Variants in NEB observed in about 807,000 individuals in gnomAD.
NEB encodes the protein nebulin.
NEB carries 512 observed loss-of-function variants against 952.2 expected under a neutral mutation model. The observed-to-expected ratio is 0.54, with a 90% CI of 0.50 to 0.58. The LOEUF (loss-of-function observed/expected upper bound fraction) is 0.58. Among genes scored for constraint, NEB ranks in the 20% least tolerant of loss-of-function variants. The pLI, the probability that NEB is intolerant of heterozygous loss-of-function variation, is 0.00. For synonymous variants in NEB, 2,900 were observed against 3,149.8 expected (o/e 0.92, Z 2.66); for missense variants, 8,428 against 9,231.1 (o/e 0.91, Z 3.56).
chr2:151,634,498 C>A (rs1332563294), intron 64 of NEB, among the ~76,000 whole-genome samples: 1 of 151,804 alleles, frequency 6.6e-6, no homozygotes, highest in East Asian at 1.9e-4. Flanking sequence ...AAAAATAAGC[C>A]GGGCGTGGTG....
chr2:151,500,455 G>T (rs937313086), intron 168 of NEB, among the ~76,000 whole-genome samples: 19 of 151,434 alleles, frequency 1.3e-4, no homozygotes, highest in African/African-American at 4.1e-4. Context: ...GAGTTTTTCA[G>T]CAACAATATT....
At chr2:151,497,312 G>A in intron 171 of NEB, 1 of 974,212 alleles carries the variant, frequency 1.0e-6, no homozygotes, top group African/African-American at 1.8e-5. Flanking sequence ...TGAGTACCAT[G>A]CCTCCTAAAC....
At chr2:151,548,060 A>G (rs2094926488) in intron 131 of NEB, among the ~76,000 whole-genome samples, 1 of 152,200 alleles carries the variant, frequency 6.6e-6, no homozygotes, top group African/African-American at 2.4e-5. Context: ...AAATGTCAAA[A>G]GAAGAAATTA....
chr2:151,518,589 T>G (rs1025661900), intron 155 of NEB, among the ~76,000 whole-genome samples, 167 bp from the exon 156 acceptor site: 2 of 152,184 alleles, frequency 1.3e-5, no homozygotes, highest in Non-Finnish European at 2.9e-5. Context: ...AGGATCCAAG[T>G]TCAGTATTGT....
At chr2:151,660,880 C>T (rs150641800) in intron 46 of NEB, among the ~76,000 whole-genome samples, 1 of 152,230 alleles carries the variant, frequency 6.6e-6, no homozygotes, top group African/African-American at 2.4e-5. Context: ...AGAACCTAGC[C>T]ACATAGGCCG....
chr2:151,546,144 A>G, intron 134 of NEB, 146 bp from the exon 135 acceptor site: 1 of 720,418 alleles, frequency 1.4e-6, no homozygotes, highest in East Asian at 2.7e-5. Flanking sequence ...AGCAAAAACA[A>G]TTGTCATTTA....
At chr2:151,494,796 GCA>G (rs2059071785) in intron 173 of NEB, among the ~76,000 whole-genome samples, 1 of 152,096 alleles carries the variant, frequency 6.6e-6, no homozygotes, top group Non-Finnish European at 1.5e-5. Flanking sequence ...TTACAGGCGT[GCA>G]CCACCATGCC....
At chr2:151,699,629 T>G in intron 13 of NEB, among the ~76,000 whole-genome samples, 1 of 80,714 alleles carries the variant, frequency 1.2e-5, no homozygotes, top group African/African-American at 5.1e-5. Flanking sequence ...ATGAGCATTT[T>G]TTCATGTGTT....
Position 151,506,168 on chromosome 2 carries a change from A to C in NEB, c.23647T>G (p.Ser7883Ala), listed in dbSNP as rs1323621741. The C allele has an allele frequency of 6.2e-7, 1 of 1,608,180 alleles. No individual in the cohort carries two copies. ...RVKQTQDHISSVKYKEAIGQG... is the reference protein window; with the variant it reads ...RVKQTQDHISAVKYKEAIGQG... Reference sequence around the variant, plus strand: ...AAGTGCATTCACTGTGTCTTTACCGAGCTAATGTGGTCCTGTGTTTGTTTC... The same window carrying C: ...AAGTGCATTCACTGTGTCTTTACCGCGCTAATGTGGTCCTGTGTTTGTTTC... Residue 7883 changes from serine to alanine, a missense_variant and splice_region_variant, in exon 164 of 182, where the codon TCG (serine) becomes GCG (alanine). Ser to Ala is a moderately conservative substitution (Grantham distance 99). Coordinates refer to ENST00000397345, the MANE Select transcript of NEB (RefSeq NM_001164508.2).
At chr2:151,619,241 T>A (rs1369767868) in intron 73 of NEB, among the ~76,000 whole-genome samples, 1 of 152,220 alleles carries the variant, frequency 6.6e-6, no homozygotes, top group Non-Finnish European at 1.5e-5. Flanking sequence ...TGTTTAGAAC[T>A]GATAATATTT....
At chr2:151,489,791 T>C (rs1457780133) in intron 181 of NEB, among the ~76,000 whole-genome samples, 180 bp downstream of exon 181, 1 of 152,116 alleles carries the variant, frequency 6.6e-6, no homozygotes, top group Non-Finnish European at 1.5e-5. Flanking sequence ...ATGCTTTTCA[T>C]TAATTTGAGT....
chr2:151,634,658 A>C (rs189009035), intron 64 of NEB, among the ~76,000 whole-genome samples: 1 of 152,148 alleles, frequency 6.6e-6, no homozygotes, highest in East Asian at 1.9e-4. Context: ...AAAATAAAAT[A>C]AAATAAAAAC....
rs539770919 is a variant in NEB, at chr2:151,641,295, TTAAA to T, written c.8374-633_8374-630del. The stretch of plus-strand genomic sequence containing the variant: ...ATTATATAAGCATTTCTATGTGTCA[TTAAA>T]TAGTCTTTGCACACATGACTGTTTT... On this transcript the variant is annotated intron_variant, in intron 60 of 181. Transcript: ENST00000397345. Among the ~76,000 whole-genome samples the T allele has an allele frequency of 9.5e-4, 144 of 152,332 alleles. 1 individual carries two copies. The highest frequency in any genetic ancestry group is 3.1e-3 in the African/African-American group (127 of 41,570).
chr2:151,682,220 G>A (rs193132406), intron 29 of NEB, among the ~76,000 whole-genome samples: 1 of 152,100 alleles, frequency 6.6e-6, no homozygotes, highest in African/African-American at 2.4e-5. Context: ...CTGAAATTTT[G>A]GGGGGAAACT....
At chr2:151,715,825 G>A (rs2099757396) in intron 10 of NEB, among the ~76,000 whole-genome samples, 1 of 152,232 alleles carries the variant, frequency 6.6e-6, no homozygotes, top group Non-Finnish European at 1.5e-5. Flanking sequence ...CATTTGGCTA[G>A]TGTCTACTGT....
At chr2:151,562,265 T>C in intron 120 of NEB, 51 bp from the exon 121 acceptor site, 2 of 1,416,836 alleles carry the variant, frequency 1.4e-6, no homozygotes, top group South Asian at 1.1e-5. Context: ...GAATTTACAA[T>C]TGAGCATTTG....
At chr2:151,502,760 G>T in intron 167 of NEB, 33 bp downstream of exon 167, 1 of 1,141,308 alleles carries the variant, frequency 8.8e-7, no homozygotes, top group African/African-American at 1.5e-5. Context: ...TAAAATTAAG[G>T]GATTTTTTTT....
In NEB at chr2:151,570,552, C is replaced by T. The variant is rs752334619; in HGVS notation, c.17063G>A (p.Arg5688Gln). The stretch of plus-strand genomic sequence containing the variant: ...AGCCTGGATGGGGATGGCATCCAGC[C>T]GGACATCACAGCCCGCCTTCATTTC... ...WDEMKAGCDV[R>Q]LDAIPIQAAK... Residue 5688 changes from arginine (R) to glutamine (Q), a missense_variant, in exon 108 of 182, where the codon CGG (arginine) becomes CAG (glutamine). Arg to Gln is a conservative substitution (Grantham distance 43). Coordinates refer to ENST00000397345, the MANE Select transcript of NEB (RefSeq NM_001164508.2). 30 of 1,609,894 alleles carry T rather than the reference C, an allele frequency of 1.9e-5. 1 individual carries two copies. Among genetic ancestry groups the T allele is most frequent in the South Asian group, 2.2e-5 (2 of 90,006 alleles).
At chr2:151,575,329 T>C (rs2096790239) in intron 107 of NEB, among the ~76,000 whole-genome samples, 1 of 152,234 alleles carries the variant, frequency 6.6e-6, no homozygotes, top group East Asian at 1.9e-4. Flanking sequence ...TGTTTTAAAA[T>C]TAATTCATAT....
Sources: gnomAD v4.1 joint callset for allele counts (sites outside exome capture counted in the v4.1 genomes callset) on GRCh38, gnomAD v4.1.1 for gene constraint, MANE v1.5 for transcripts, NCBI Gene and HGNC (gene_info 2026-07-23, HGNC 2026-07-21) for gene names.